The following SVIL variants were observed in gnomAD, a reference collection of about 807,000 sequenced individuals.
SVIL encodes the protein archvillin.
In SVIL, 101 loss-of-function variants were observed where a neutral mutation model predicts 240.4. The observed-to-expected ratio is 0.42, with a 90% CI of 0.36 to 0.50. SVIL has a LOEUF of 0.50. SVIL is among the 20% of genes least tolerant of loss of function. The pLI, the probability that SVIL is intolerant of heterozygous loss-of-function variation, is 0.01. For synonymous variants in SVIL, 999 were observed against 1,100.0 expected, an observed-to-expected ratio of 0.91 and a Z score of 1.82; for missense variants, 2,512 against 2,818.7, an observed-to-expected ratio of 0.89 and a Z score of 2.46.
chr10:29,477,612 C>T (rs920180942), intron 29 of SVIL, among the ~76,000 whole-genome samples: 2 of 152,216 alleles, frequency 1.3e-5, no homozygotes, highest in Non-Finnish European at 2.9e-5. Context: ...ATAGGGGAGC[C>T]GGACTAGTGT....
chr10:29,487,470 A>G, intron 23 of SVIL, 171 bp from the exon 24 acceptor site: 1 of 703,262 alleles, frequency 1.4e-6, no homozygotes, highest in Non-Finnish European at 2.3e-6. Flanking sequence ...GGGCATGATG[A>G]TGGCACTAGC....
Position 29,642,427 on chromosome 10 carries a change from G to T in SVIL, c.-201+15542C>A, listed in dbSNP as rs1289199507. On this transcript the variant is annotated intron_variant, in intron 3 of 35. Transcript: ENST00000375400. The stretch of plus-strand genomic sequence containing the variant: ...AGAAAGAGAGAGAGTGAGAAAGAAA[G>T]AAAGAAAGAAAGAAAGAAAGAAAGA... 5.9e-5 allele frequency among the ~76,000 whole-genome samples: 7 copies of T among 118,584 alleles called. No individual in the cohort carries two copies. In the Admixed American group the frequency reaches 6.0e-4, roughly 10 times the overall value. 77.8% of individuals were successfully genotyped at this position (118,584 alleles called of 152,430 possible). A position where few individuals can be genotyped will look rare whatever the true frequency, so the allele number is the denominator to read the frequency against.
At chr10:29,540,993 A>C (rs1176972583) in intron 6 of SVIL, among the ~76,000 whole-genome samples, 1 of 152,238 alleles carries the variant, frequency 6.6e-6, no homozygotes, top group Non-Finnish European at 1.5e-5. Flanking sequence ...ATCAAAGTAC[A>C]AAATTTACTT....
At chr10:29,729,747 C>T (rs111725977) in intron 1 of SVIL, among the ~76,000 whole-genome samples, 4,820 of 136,000 alleles carry the variant, frequency 0.035, 129 homozygotes, top group Non-Finnish European at 0.053. Context: ...GGCGGGAGAA[C>T]CGCTTGAACC....
intron 17 of SVIL, among the ~76,000 whole-genome samples, chr10:29,501,266 T>C (rs543246165): frequency 6.6e-6 from 1 of 151,582 alleles, no homozygotes; most frequent in East Asian, 1.9e-4. Context: ...GTGGATCAGA[T>C]AAATATTGTA....
In SVIL at chr10:29,704,195, T is replaced by C. The variant is rs1228562194; in HGVS notation, c.-399-17544A>G. Among the ~76,000 whole-genome samples the C allele has an allele frequency of 2.6e-5, 4 of 152,064 alleles. No homozygotes were observed. In the East Asian group the frequency reaches 7.7e-4, roughly 29 times the overall value. ...GCGCCTCAGCCTACCATGCTCAAAATCGTAACCACTCCTCCCTCAGCCACG... is the reference window on the plus strand; with the variant it reads ...GCGCCTCAGCCTACCATGCTCAAAACCGTAACCACTCCTCCCTCAGCCACG... On this transcript the variant is annotated intron_variant, in intron 1 of 35. Coordinates refer to the SVIL transcript ENST00000375400.
intron 2 of SVIL, among the ~76,000 whole-genome samples, chr10:29,675,814 G>C (rs1960159084): frequency 6.6e-6 from 1 of 152,178 alleles, no homozygotes; most frequent in South Asian, 2.1e-4. Context: ...CTACATGACT[G>C]ATCAGTCCAA....
chr10:29,647,628 T>TGTGTGTGC (rs1958701715), intron 3 of SVIL, among the ~76,000 whole-genome samples: 1 of 151,982 alleles, frequency 6.6e-6, no homozygotes, highest in East Asian at 1.9e-4. Context: ...AATATAGGTG[T>TGTGTGTGC]GTGTGTGTTT....
At chr10:29,624,401 G>GT (rs1274965325) in intron 1 of SVIL, among the ~76,000 whole-genome samples, 3 of 152,104 alleles carry the variant, frequency 2.0e-5, no homozygotes, top group Non-Finnish European at 4.4e-5. Context: ...AGCCGGGTGT[G>GT]GTGGCACACA....
chr10:29,653,952 T>C (rs191452431), intron 3 of SVIL, among the ~76,000 whole-genome samples: 76 of 152,320 alleles, frequency 5.0e-4, no homozygotes, highest in African/African-American at 1.8e-3. Context: ...TCTTAATTAC[T>C]GTAGTTTTGT....
intron 2 of SVIL, among the ~76,000 whole-genome samples, chr10:29,673,580 G>A (rs1356801315): frequency 2.8e-5 from 4 of 142,628 alleles, no homozygotes; most frequent in African/African-American, 1.1e-4. Flanking sequence ...GCATTAGGGG[G>A]GAGAGAGAGA....
intron 13 of SVIL, 67 bp downstream of exon 13, chr10:29,526,894 T>C (rs1950958710): frequency 7.8e-7 from 1 of 1,274,860 alleles, no homozygotes; most frequent in African/African-American, 1.5e-5. Flanking sequence ...CATTCAAGAC[T>C]TTAGGATGCA....
chr10:29,649,750 C>T (rs961496913), intron 3 of SVIL, among the ~76,000 whole-genome samples: 2 of 152,216 alleles, frequency 1.3e-5, no homozygotes, highest in South Asian at 2.1e-4. Context: ...TAGTCATGTG[C>T]TCAAAATATG....
chr10:29,520,999 G>A (rs373422554), intron 16 of SVIL, among the ~76,000 whole-genome samples: 15 of 151,838 alleles, frequency 9.9e-5, no homozygotes, highest in East Asian at 9.7e-4. Context: ...CGAGGCAGGC[G>A]GATCAGGAGG....
intron 3 of SVIL, chr10:29,643,885 C>T: frequency 6.6e-6 from 3 of 451,560 alleles, no homozygotes; most frequent in Admixed American, 2.4e-5. Flanking sequence ...CTGCTGGCCT[C>T]GTGGTCAAAA....
At chr10:29,640,495 C>T (rs1164921363) in intron 3 of SVIL, among the ~76,000 whole-genome samples, 1 of 152,170 alleles carries the variant, frequency 6.6e-6, no homozygotes, top group East Asian at 1.9e-4. Context: ...ACACCTAAAG[C>T]AGAAGTCAGA....
chr10:29,568,704 C>T (rs556384207), intron 2 of SVIL, among the ~76,000 whole-genome samples: 76 of 152,044 alleles, frequency 5.0e-4, no homozygotes, highest in Non-Finnish European at 9.9e-4. Context: ...TATTCTGTGG[C>T]CAAGGGGACT....
At chr10:29,593,748 A>G (rs768918505) in intron 1 of SVIL, among the ~76,000 whole-genome samples, 2 of 152,266 alleles carry the variant, frequency 1.3e-5, no homozygotes, top group South Asian at 2.1e-4. Context: ...AATAGTCAAT[A>G]AATCAATCCT....
intron 1 of SVIL, chr10:29,711,864 T>C (rs902518509): frequency 6.6e-6 from 1 of 151,530 alleles, no homozygotes. Flanking sequence ...CGGTGGCACA[T>C]GCCTGTAATT....
Sources: allele counts gnomAD v4.1 joint callset (sites outside exome capture counted in the v4.1 genomes callset), GRCh38; gene constraint gnomAD v4.1.1; transcripts MANE v1.5; gene names NCBI Gene and HGNC (gene_info 2026-07-23, HGNC 2026-07-21).